Variants in PKN2 observed in about 807,000 individuals in gnomAD.
The protein encoded by PKN2 is serine/threonine-protein kinase N2.
PKN2 carries 38 observed loss-of-function variants against 119.1 expected under a neutral mutation model. The observed-to-expected ratio is 0.32, with a 90% confidence interval of 0.25 to 0.42. PKN2 has a LOEUF of 0.42. Ranked by LOEUF, PKN2 falls within the 10% of genes least tolerant of loss-of-function variation. PKN2 has a pLI of 1.00. For missense variants in PKN2, 850 were observed against 1,165.1 expected, an observed-to-expected ratio of 0.73 and a Z score of 3.94; for synonymous variants, 390 against 384.9, an observed-to-expected ratio of 1.01 and a Z score of -0.15.
At chr1:88,805,861 G>A (rs1671515853) in intron 11 of PKN2, 30 bp from the exon 12 acceptor site, 1 of 1,612,342 alleles carries the variant, frequency 6.2e-7, no homozygotes, top group African/African-American at 1.3e-5. Flanking sequence ...TTCTATTACT[G>A]TTTTGGTGAG....
chr1:88,702,158 C>T (rs1431462051), intron 1 of PKN2, among the ~76,000 whole-genome samples: 1 of 152,118 alleles, frequency 6.6e-6, no homozygotes, highest in Non-Finnish European at 1.5e-5. Context: ...AGGGTTTCAC[C>T]ATGTTGTCCA....
chr1:88,684,288 G>A lies in PKN2; in HGVS notation c.-293G>A. Reference sequence around the variant, plus strand: ...AGCTGCAGCCGCGGCCGCAGCGCCCGCACGGAGAGGCTTGAGGCGGCTCCT... The same window carrying A: ...AGCTGCAGCCGCGGCCGCAGCGCCCACACGGAGAGGCTTGAGGCGGCTCCT... On this transcript the variant is annotated 5_prime_UTR_variant, in exon 1 of 22. Coordinates refer to ENST00000370521, the MANE Select transcript of PKN2 (RefSeq NM_006256.4). 3.0e-6 allele frequency: 1 copy of A among 337,568 alleles called. No individual in the cohort carries two copies. The highest frequency in any genetic ancestry group is 5.4e-6 in the Non-Finnish European group (1 of 185,022). The allele number at this position is 337,568 out of a possible 1,614,324, so 20.9% of individuals were successfully genotyped here.
intron 7 of PKN2, among the ~76,000 whole-genome samples, chr1:88,785,293 TA>T (rs1670525326): frequency 6.6e-6 from 1 of 152,106 alleles, no homozygotes; most frequent in South Asian, 2.1e-4. Context: ...CATGCCTGGC[TA>T]ATTTTTTTTT....
intron 1 of PKN2, among the ~76,000 whole-genome samples, chr1:88,712,430 C>T (rs1667271975): frequency 1.3e-5 from 2 of 152,050 alleles, no homozygotes; most frequent in South Asian, 2.1e-4. Context: ...GCCACTGGTA[C>T]CCCTTCCCAG....
chr1:88,709,949 G>A (rs961698619), intron 1 of PKN2, among the ~76,000 whole-genome samples: 3 of 152,102 alleles, frequency 2.0e-5, no homozygotes, highest in African/African-American at 7.2e-5. Flanking sequence ...AGAAGGGACA[G>A]GTAAAAAAAT....
chr1:88,752,100 C>A (rs920043635), intron 2 of PKN2, among the ~76,000 whole-genome samples: 2 of 152,102 alleles, frequency 1.3e-5, no homozygotes, highest in African/African-American at 4.8e-5. Flanking sequence ...AAATTGTTAG[C>A]CTCTGTCCCT....
At chr1:88,761,777 A>C (rs1258234700) in intron 3 of PKN2, among the ~76,000 whole-genome samples, 2 of 152,168 alleles carry the variant, frequency 1.3e-5, no homozygotes, top group Admixed American at 1.3e-4. Flanking sequence ...CTATTTACTT[A>C]TGATGTGATA....
intron 18 of PKN2, among the ~76,000 whole-genome samples, chr1:88,825,044 T>C (rs1672442271): frequency 6.6e-6 from 1 of 152,268 alleles, no homozygotes; most frequent in Non-Finnish European, 1.5e-5. Flanking sequence ...TCTGCACTGG[T>C]GGCTTCTGTT....
chr1:88,719,713 A>T (rs1340129144), intron 1 of PKN2, among the ~76,000 whole-genome samples: 2 of 152,122 alleles, frequency 1.3e-5, no homozygotes, highest in African/African-American at 2.4e-5. Flanking sequence ...TTCTAAATTA[A>T]TCGTATACAT....
intron 1 of PKN2, among the ~76,000 whole-genome samples, chr1:88,691,357 G>A (rs368316489): frequency 1.3e-5 from 2 of 152,082 alleles, no homozygotes; most frequent in South Asian, 2.1e-4. Flanking sequence ...GAGCGTCTGT[G>A]CCTGGCCTGA....
chr1:88,798,897 A>C (rs932937475), intron 8 of PKN2, among the ~76,000 whole-genome samples: 3 of 152,222 alleles, frequency 2.0e-5, no homozygotes, highest in African/African-American at 7.2e-5. Flanking sequence ...GATTTAAAGG[A>C]TGCCTTTGTA....
chr1:88,694,641 A>G (rs1236657181), intron 1 of PKN2, among the ~76,000 whole-genome samples: 4 of 152,164 alleles, frequency 2.6e-5, no homozygotes, highest in African/African-American at 4.8e-5. Context: ...AGGGTGTCCA[A>G]TTGTATGGTA....
intron 1 of PKN2, among the ~76,000 whole-genome samples, chr1:88,715,833 T>C (rs187744552): frequency 2.6e-5 from 4 of 152,356 alleles, no homozygotes; most frequent in African/African-American, 7.2e-5. Flanking sequence ...TGCTTTCTGC[T>C]AGCTTTTGAA....
At chr1:88,725,338 A>C (rs2100714696) in intron 1 of PKN2, among the ~76,000 whole-genome samples, 1 of 152,332 alleles carries the variant, frequency 6.6e-6, no homozygotes, top group South Asian at 2.1e-4. Context: ...TGTTTTTCAG[A>C]GTGGCTATAC....
intron 19 of PKN2, chr1:88,829,522 A>C (rs774382792): frequency 5.8e-6 from 1 of 172,448 alleles, no homozygotes; most frequent in Non-Finnish European, 1.3e-5. Flanking sequence ...ATTAACTTAA[A>C]TTTCTGAGGA....
At chr1:88,826,631 G>T (rs1672510701) in intron 18 of PKN2, among the ~76,000 whole-genome samples, 2 of 151,784 alleles carry the variant, frequency 1.3e-5, no homozygotes, top group Non-Finnish European at 2.9e-5. Flanking sequence ...TTCCACACTG[G>T]TAGATGGTAT....
chr1:88,788,482 G>A (rs1479395169), intron 8 of PKN2, among the ~76,000 whole-genome samples: 1 of 150,734 alleles, frequency 6.6e-6, no homozygotes, highest in East Asian at 1.9e-4. Context: ...TTTCGCTCTT[G>A]TTGCCCAGGC....
At chr1:88,692,801 T>G (rs535948398) in intron 1 of PKN2, among the ~76,000 whole-genome samples, 1 of 152,346 alleles carries the variant, frequency 6.6e-6, no homozygotes, top group East Asian at 1.9e-4. Context: ...TTTCGCTTTC[T>G]TTTATGGAGT....
intron 8 of PKN2, among the ~76,000 whole-genome samples, chr1:88,798,170 A>C (rs997065697): frequency 6.6e-6 from 1 of 151,848 alleles, no homozygotes; most frequent in Non-Finnish European, 1.5e-5. Context: ...AATTCTACCA[A>C]CATGAGCTTG....
Sources: allele counts gnomAD v4.1 joint callset (sites outside exome capture counted in the v4.1 genomes callset), GRCh38; gene constraint gnomAD v4.1.1; transcripts MANE v1.5; gene names NCBI Gene and HGNC (gene_info 2026-07-23, HGNC 2026-07-21).